The following ZNF365 variants were observed in gnomAD, a reference collection of about 807,000 sequenced individuals.
ZNF365 encodes protein ZNF365.
ZNF365 carries 22 observed loss-of-function variants against 35.0 expected under a neutral mutation model. The observed-to-expected ratio is 0.63, with a 90% CI of 0.45 to 0.90. ZNF365 has a LOEUF of 0.90. Ranked by LOEUF, ZNF365 falls within the 40% of genes least tolerant of loss-of-function variation. The pLI is 0.00. For synonymous variants in ZNF365, 188 were observed against 196.2 expected (o/e 0.96, Z 0.35); for missense variants, 448 against 500.3 (o/e 0.90, Z 1.00).
intron 2 of ZNF365, among the ~76,000 whole-genome samples, chr10:62,386,487 G>T (rs1839528637): frequency 6.6e-6 from 1 of 152,122 alleles, no homozygotes; most frequent in Non-Finnish European, 1.5e-5. Flanking sequence ...AACAGGGGCT[G>T]GTATCACTAG....
intron 3 of ZNF365, among the ~76,000 whole-genome samples, chr10:62,418,241 T>C (rs1840111229): frequency 6.6e-6 from 1 of 152,034 alleles, no homozygotes; most frequent in Non-Finnish European, 1.5e-5. Context: ...AAAAAGCACA[T>C]ACATTTTGTC....
At chr10:62,457,013 G>C (rs1046040022) in intron 3 of ZNF365, among the ~76,000 whole-genome samples, 1 of 152,184 alleles carries the variant, frequency 6.6e-6, no homozygotes, top group Non-Finnish European at 1.5e-5. Flanking sequence ...AGCTAATTTA[G>C]GCTGGGCTTG....
At chr10:62,418,520 T>TAAA (rs1589445098) in intron 3 of ZNF365, among the ~76,000 whole-genome samples, 2 of 151,996 alleles carry the variant, frequency 1.3e-5, no homozygotes, top group East Asian at 3.8e-4. Flanking sequence ...AGCATAAGGA[T>TAAA]GTCTCCTCTC....
intron 3 of ZNF365, among the ~76,000 whole-genome samples, chr10:62,433,197 T>G (rs1319085422): frequency 6.6e-6 from 1 of 152,178 alleles, no homozygotes; most frequent in Non-Finnish European, 1.5e-5. Flanking sequence ...ATAACTCCAA[T>G]AGAAGTAATG....
At chr10:62,392,276 C>A (rs1463394003) in intron 3 of ZNF365, among the ~76,000 whole-genome samples, 1 of 152,092 alleles carries the variant, frequency 6.6e-6, no homozygotes, top group Non-Finnish European at 1.5e-5. Context: ...GTTTTTGTTG[C>A]ATTTGCTTTT....
intron 4 of ZNF365, among the ~76,000 whole-genome samples, chr10:62,478,971 C>G (rs1841177571): frequency 6.6e-6 from 1 of 152,196 alleles, no homozygotes; most frequent in Non-Finnish European, 1.5e-5. Context: ...TTCATATCTA[C>G]TTGATTCTTA....
At chr10:62,464,365 T>C (rs1198616714) in intron 4 of ZNF365, among the ~76,000 whole-genome samples, 3 of 152,250 alleles carry the variant, frequency 2.0e-5, no homozygotes, top group Admixed American at 6.5e-5. Context: ...CGTAAGAGGA[T>C]TGTAACTAAA....
downstream of ZNF365, among the ~76,000 whole-genome samples, chr10:62,405,394 G>A (rs557194244): frequency 2.0e-4 from 30 of 152,284 alleles, no homozygotes; most frequent in African/African-American, 6.3e-4. Flanking sequence ...TGGCTTGAAA[G>A]GGTTTCCAGG....
At chr10:62,470,778 TTG>T (rs201597265) in intron 4 of ZNF365, among the ~76,000 whole-genome samples, 3 of 151,690 alleles carry the variant, frequency 2.0e-5, no homozygotes, top group Admixed American at 6.6e-5. Flanking sequence ...TAAAATTAGC[TTG>T]TGTGTGTGTG....
Position 62,376,383 on chromosome 10 carries a change from C to T in ZNF365, c.190C>T (p.Leu64Phe). The change falls in exon 2 of 5, where the codon CTC (leucine) becomes TTC (phenylalanine). Residue 64 changes from leucine (L) to phenylalanine (F), a missense_variant. Transcript: ENST00000395254. ...EERTLLTKCS[L>F]FPSLKDTDLV... ...AAGAACCCTCTTGACAAAATGCAGT[C>T]TCTTTCCATCCCTCAAAGACACAGA... The T allele has an allele frequency of 1.9e-6, 3 of 1,614,068 alleles. No homozygotes were observed. Among genetic ancestry groups the T allele is most frequent in the Non-Finnish European group, 2.5e-6 (3 of 1,179,958 alleles).
At chr10:62,459,874 A>G in intron 4 of ZNF365, 1 of 1,332,454 alleles carries the variant, frequency 7.5e-7, no homozygotes, top group South Asian at 1.3e-5. Flanking sequence ...TATGAGAGAG[A>G]CTGGAAGGGG....
intron 3 of ZNF365, among the ~76,000 whole-genome samples, chr10:62,449,904 A>T (rs1840651553): frequency 6.6e-6 from 1 of 152,046 alleles, no homozygotes; most frequent in African/African-American, 2.4e-5. Context: ...GCCAAAGTGA[A>T]TGAGGCAACT....
At chr10:62,446,893 G>A (rs1464769979) in intron 3 of ZNF365, among the ~76,000 whole-genome samples, 14 of 152,138 alleles carry the variant, frequency 9.2e-5, no homozygotes, top group Non-Finnish European at 4.4e-5. Flanking sequence ...GGAGCATCTA[G>A]GATGCTCCTG....
chr10:62,464,064 C>G (rs1159279261), intron 4 of ZNF365, among the ~76,000 whole-genome samples: 1 of 152,142 alleles, frequency 6.6e-6, no homozygotes, highest in African/African-American at 2.4e-5. Flanking sequence ...CCTCACAACC[C>G]AGTCTTGAGC....
At chr10:62,461,495 C>A (rs771085198) in intron 4 of ZNF365, among the ~76,000 whole-genome samples, 1 of 152,192 alleles carries the variant, frequency 6.6e-6, no homozygotes, top group South Asian at 2.1e-4. Flanking sequence ...CTTGGGTGGA[C>A]GCCCTGCCTG....
intron 2 of ZNF365, among the ~76,000 whole-genome samples, chr10:62,386,178 G>A (rs1839523047): frequency 6.6e-6 from 1 of 152,170 alleles, no homozygotes; most frequent in Non-Finnish European, 1.5e-5. Context: ...CCCGCCACTC[G>A]TTTGCTGCTA....
intron 3 of ZNF365, among the ~76,000 whole-genome samples, chr10:62,407,976 A>G (rs772242486): frequency 6.6e-6 from 1 of 152,190 alleles, no homozygotes; most frequent in Non-Finnish European, 1.5e-5. Flanking sequence ...TAAGCCACTA[A>G]ACTAGTGATA....
intron 2 of ZNF365, among the ~76,000 whole-genome samples, chr10:62,386,114 G>A (rs1467152316): frequency 1.3e-5 from 2 of 152,096 alleles, no homozygotes; most frequent in Non-Finnish European, 2.9e-5. Context: ...CCATCCCAAA[G>A]GACCTAAACC....
intron 3 of ZNF365, among the ~76,000 whole-genome samples, chr10:62,455,254 A>C (rs1265412714): frequency 1.3e-5 from 2 of 152,204 alleles, no homozygotes; most frequent in African/African-American, 4.8e-5. Context: ...GAAGGGGACC[A>C]GCCAGGAGGA....
Sources: allele counts gnomAD v4.1 joint callset (sites outside exome capture counted in the v4.1 genomes callset), GRCh38; gene constraint gnomAD v4.1.1; transcripts MANE v1.5; gene names NCBI Gene and HGNC (gene_info 2026-07-23, HGNC 2026-07-21).